Variants in SLC14A2 observed in about 807,000 individuals in gnomAD.
The protein encoded by SLC14A2 is urea transporter 2.
In SLC14A2, 91 loss-of-function variants were observed where a neutral mutation model predicts 104.6. The observed-to-expected ratio is 0.87, with a 90% CI of 0.73 to 1.04. SLC14A2 has a LOEUF of 1.04. SLC14A2 is among the 50% of genes least tolerant of loss of function. SLC14A2 has a pLI of 0.00. For synonymous variants in SLC14A2, 476 were observed against 466.4 expected, an observed-to-expected ratio of 1.02 and a Z score of -0.27; for missense variants, 1,189 against 1,156.0, an observed-to-expected ratio of 1.03 and a Z score of -0.41.
chr18:45,247,605 C>A (rs1290037548), intron 1 of SLC14A2, among the ~76,000 whole-genome samples: 1 of 152,042 alleles, frequency 6.6e-6, no homozygotes, highest in East Asian at 1.9e-4. Context: ...CAAGTGAGAT[C>A]TGTCATGCTC....
intron 1 of SLC14A2, among the ~76,000 whole-genome samples, chr18:45,318,574 G>A (rs2085154210): frequency 6.6e-6 from 1 of 152,114 alleles, no homozygotes; most frequent in Non-Finnish European, 1.5e-5. Flanking sequence ...GATCACCTGA[G>A]GTCAGGAGTT....
chr18:45,272,897 A>G (rs920429606), intron 1 of SLC14A2, among the ~76,000 whole-genome samples: 1 of 152,078 alleles, frequency 6.6e-6, no homozygotes, highest in Admixed American at 6.6e-5. Flanking sequence ...CTGTGCACAC[A>G]CAAAAATTTT....
rs149621269 is a variant in SLC14A2 at position 45,431,897 on chromosome 18, T to G, written c.-124-51336T>G. On this transcript the variant is annotated intron_variant, in intron 1 of 20. Transcript: ENST00000586448. ...AGAGGAAGAAACAAACTTCCCTGAT[T>G]AGAACCCTTGGCCTTTGGAGGGTTC... Among the ~76,000 whole-genome samples the G allele has an allele frequency of 4.4e-3, 673 of 152,314 alleles. 1 individual carries two copies. The highest frequency in any genetic ancestry group is 7.0e-3 in the Non-Finnish European group (479 of 68,020).
intron 1 of SLC14A2, among the ~76,000 whole-genome samples, chr18:45,455,537 T>C (rs543081760): frequency 9.2e-5 from 14 of 152,106 alleles, no homozygotes; most frequent in African/African-American, 3.4e-4. Context: ...GAGAAATAAC[T>C]AATGTAGGTG....
rs149251757 is a variant in SLC14A2 at position 45,624,779 on chromosome 18, C to G, written c.115C>G (p.Pro39Ala). ...GCCCTCGACATCCCCGGATACTCAC[C>G]CAGCTCTGCCCCTCCTGGAAATGCC... Reference protein sequence around the residue: ...SWPSTSPDTHPALPLLEMPEE... With the variant: ...SWPSTSPDTHAALPLLEMPEE... Residue 39 changes from proline (P) to alanine (A), a missense_variant, in exon 2 of 20, where the codon CCA becomes GCA. By Grantham distance (27) the Pro-to-Ala change is conservative. Coordinates refer to ENST00000255226, the MANE Select transcript of SLC14A2 (RefSeq NM_007163.4). 2,162 of 1,612,446 alleles carry G rather than the reference C, an allele frequency of 1.3e-3. 5 individuals carry two copies. Among genetic ancestry groups the G allele is most frequent in the Non-Finnish European group, 1.7e-3 (1,964 of 1,179,350 alleles).
chr18:45,665,441 T>C (rs1378091379), intron 11 of SLC14A2, among the ~76,000 whole-genome samples: 2 of 152,182 alleles, frequency 1.3e-5, no homozygotes, highest in African/African-American at 4.8e-5. Context: ...AAGAGTTTTC[T>C]ACAATTACAA....
At chr18:45,452,321 T>C (rs1033504521) in intron 1 of SLC14A2, among the ~76,000 whole-genome samples, 6 of 152,184 alleles carry the variant, frequency 3.9e-5, no homozygotes, top group African/African-American at 7.2e-5. Context: ...GAAACACCAG[T>C]GAATTTTTTT....
chr18:45,665,689 T>TTTC (rs11409361), intron 11 of SLC14A2, among the ~76,000 whole-genome samples: 21 of 8,510 alleles, frequency 2.5e-3, no homozygotes, highest in African/African-American at 4.8e-3. Flanking sequence ...ACCAAGTTTC[T>TTTC]TTTTTTTTTT....
intron 1 of SLC14A2, among the ~76,000 whole-genome samples, chr18:45,442,572 C>A (rs2086697967): frequency 1.3e-5 from 2 of 152,192 alleles, no homozygotes; most frequent in Middle Eastern, 3.4e-3. Context: ...ATTAGGAGCC[C>A]ACCCTACTCC....
At chr18:45,370,357 T>C (rs1381416714) in intron 1 of SLC14A2, among the ~76,000 whole-genome samples, 3 of 152,040 alleles carry the variant, frequency 2.0e-5, no homozygotes, top group African/African-American at 4.8e-5. Context: ...AAGAAGTAAA[T>C]CCAGGCAACT....
chr18:45,261,857 G>A (rs1487825847), intron 1 of SLC14A2, among the ~76,000 whole-genome samples: 2 of 152,116 alleles, frequency 1.3e-5, no homozygotes, highest in Non-Finnish European at 1.5e-5. Flanking sequence ...GAATAGTGCC[G>A]CAATAAACGT....
At chr18:45,497,827 C>T (rs2043126065) in intron 2 of SLC14A2, among the ~76,000 whole-genome samples, 2 of 152,152 alleles carry the variant, frequency 1.3e-5, no homozygotes, top group South Asian at 2.1e-4. Context: ...CTGTCCCCAG[C>T]GAAAATGGCC....
At chr18:45,428,767 C>T (rs2086471550) in intron 1 of SLC14A2, among the ~76,000 whole-genome samples, 1 of 152,210 alleles carries the variant, frequency 6.6e-6, no homozygotes, top group Admixed American at 6.5e-5. Context: ...GTCCCACTTA[C>T]TACCCAAGAC....
At chr18:45,283,967 G>C (rs912960137) in intron 1 of SLC14A2, among the ~76,000 whole-genome samples, 2 of 152,142 alleles carry the variant, frequency 1.3e-5, no homozygotes, top group African/African-American at 4.8e-5. Flanking sequence ...GAAAAAAATG[G>C]AAAAGCTCTC....
At chr18:45,473,078 T>C (rs144776803) in intron 1 of SLC14A2, among the ~76,000 whole-genome samples, 1 of 152,212 alleles carries the variant, frequency 6.6e-6, no homozygotes, top group Non-Finnish European at 1.5e-5. Flanking sequence ...GGGGTCCAGG[T>C]TCAGTTTTCT....
intron 1 of SLC14A2, among the ~76,000 whole-genome samples, chr18:45,447,994 A>G (rs1284264661): frequency 6.6e-6 from 1 of 152,240 alleles, no homozygotes; most frequent in East Asian, 1.9e-4. Flanking sequence ...TTGTAAAATA[A>G]TCACAGACTA....
chr18:45,538,728 G>A (rs1568266424), intron 2 of SLC14A2, among the ~76,000 whole-genome samples: 1 of 152,106 alleles, frequency 6.6e-6, no homozygotes, highest in South Asian at 2.1e-4. Flanking sequence ...GCTACAATAT[G>A]GGAAGGGCAG....
intron 1 of SLC14A2, among the ~76,000 whole-genome samples, chr18:45,239,973 G>C (rs1599603491): frequency 6.6e-6 from 1 of 150,606 alleles, no homozygotes; most frequent in South Asian, 2.1e-4. Context: ...GCTGAATAAT[G>C]TTTAATTGTG....
chr18:45,410,788 T>G (rs7230301), intron 1 of SLC14A2, among the ~76,000 whole-genome samples: 62,279 of 152,028 alleles, frequency 0.41, 14,829 homozygotes, highest in Non-Finnish European at 0.53. Context: ...CTGAGATAAA[T>G]AAAGCTATGC....
Sources: gnomAD v4.1 joint callset for allele counts (sites outside exome capture counted in the v4.1 genomes callset) on GRCh38, gnomAD v4.1.1 for gene constraint, MANE v1.5 for transcripts, NCBI Gene and HGNC (gene_info 2026-07-23, HGNC 2026-07-21) for gene names.